CUTC: variants seen among roughly 807,000 people sequenced by gnomAD.
The protein encoded by CUTC is cutC copper transporter.
In CUTC, 27 loss-of-function variants were observed where a neutral mutation model predicts 36.2. The observed-to-expected ratio is 0.75, with a 90% CI of 0.55 to 1.03. The LOEUF is 1.03. Ranked by LOEUF, CUTC falls within the 50% of genes least tolerant of loss-of-function variation. The probability of loss-of-function intolerance (pLI) is 0.00; values close to 1 mark genes in which losing one functional copy is unlikely to be tolerated. For missense variants in CUTC, 315 were observed against 343.5 expected, an observed-to-expected ratio of 0.92 and a Z score of 0.66; for synonymous variants, 114 against 118.3, an observed-to-expected ratio of 0.96 and a Z score of 0.24.
chr10:99,743,458 C>A, intron 4 of CUTC, 96 bp downstream of exon 4: 3 of 1,117,634 alleles, frequency 2.7e-6, no homozygotes, highest in South Asian at 2.6e-5. Context: ...ACTTTGCGGT[C>A]ATAGCTACAG....
chr10:99,744,198 C>A, intron 5 of CUTC, 126 bp downstream of exon 5: 1 of 686,616 alleles, frequency 1.5e-6, no homozygotes, highest in Non-Finnish European at 2.4e-6. Context: ...TTTTTTAGAT[C>A]CTAGGACTAA....
chr10:99,747,825 T>C (rs772380044), intron 6 of CUTC, among the ~76,000 whole-genome samples: 6 of 152,198 alleles, frequency 3.9e-5, no homozygotes, highest in Non-Finnish European at 8.8e-5. Context: ...CCAGCCAGCA[T>C]TGCAGTTTTA....
intron 2 of CUTC, 75 bp downstream of exon 2, chr10:99,736,392 T>G (rs2037297645): frequency 1.8e-6 from 2 of 1,099,400 alleles, no homozygotes; most frequent in Non-Finnish European, 2.8e-6. Flanking sequence ...TGTGCTTATC[T>G]CAGAAGCCCT....
At chr10:99,738,306 G>A (rs1270374259) in intron 2 of CUTC, among the ~76,000 whole-genome samples, 11 of 151,748 alleles carry the variant, frequency 7.2e-5, no homozygotes, top group Admixed American at 7.2e-4. Flanking sequence ...ACACCACAAT[G>A]TCACTAACAC....
intron 5 of CUTC, among the ~76,000 whole-genome samples, chr10:99,744,817 C>T (rs962063948): frequency 3.9e-5 from 6 of 152,286 alleles, no homozygotes; most frequent in East Asian, 1.9e-4. Flanking sequence ...TGCAGTCGCA[C>T]GATCCGGCTC....
intron 5 of CUTC, 48 bp downstream of exon 5, chr10:99,744,120 T>G: frequency 1.3e-6 from 2 of 1,496,660 alleles, no homozygotes; most frequent in Middle Eastern, 1.7e-4. Context: ...GTTAGTTTTC[T>G]AATTTCAACA....
intron 4 of CUTC, among the ~76,000 whole-genome samples, chr10:99,743,606 T>C (rs1215837100): frequency 6.6e-6 from 1 of 152,160 alleles, no homozygotes; most frequent in East Asian, 1.9e-4. Context: ...AATAGAAATT[T>C]AAGGGAAATT....
chr10:99,743,885 A>T (rs575661856), intron 4 of CUTC, 152 bp from the exon 5 acceptor site: 1 of 584,218 alleles, frequency 1.7e-6, no homozygotes, highest in African/African-American at 1.9e-5. Context: ...AGACTTTTGA[A>T]TTTGTAAGGC....
At chr10:99,746,911 A>G (rs1285283723) in intron 5 of CUTC, among the ~76,000 whole-genome samples, 1 of 152,186 alleles carries the variant, frequency 6.6e-6, no homozygotes, top group Non-Finnish European at 1.5e-5. Context: ...AGCTGGGACT[A>G]TAGGTGCACA....
At position 99,755,781 on chromosome 10, in the gene CUTC, A is replaced by G; in HGVS notation, c.*42A>G. On this transcript the variant is annotated 3_prime_UTR_variant, in exon 9 of 9. Coordinates refer to ENST00000370476, the MANE Select transcript of CUTC (RefSeq NM_015960.3). ...GACATGGATATCACAGGATGAAGGT[A>G]GAACTATAATCTGCAATTCTCTATG... The G allele has an allele frequency of 7.8e-7, 1 of 1,279,616 alleles. No individual in the cohort carries two copies. The highest frequency in any genetic ancestry group is 1.1e-6 in the Non-Finnish European group (1 of 880,068). The allele number at this position is 1,279,616 out of a possible 1,614,324, so 79.3% of individuals were successfully genotyped here.
intron 2 of CUTC, among the ~76,000 whole-genome samples, chr10:99,736,743 TA>T (rs1220539395): frequency 2.0e-5 from 3 of 151,724 alleles, no homozygotes; most frequent in South Asian, 2.1e-4. Context: ...TCAGAAAAAT[TA>T]AAAAAAAATT....
In CUTC at chr10:99,744,015, TTA is replaced by T. The variant is rs754453338; in HGVS notation, c.404-18_404-17del. ...AGTGATGACATCTTCATTCATGTTGTTATATGACTTTCTTTTTATAGCTATTT... is the reference window on the plus strand; with the variant it reads ...AGTGATGACATCTTCATTCATGTTGTTATGACTTTCTTTTTATAGCTATTT... On this transcript the variant is annotated intron_variant, in intron 4 of 8. Coordinates refer to ENST00000370476, the MANE Select transcript of CUTC (RefSeq NM_015960.3). 2.5e-6 allele frequency: 4 copies of T among 1,605,558 alleles called. No homozygotes were observed. In the South Asian group the frequency reaches 4.4e-5, roughly 18 times the overall value.
intron 7 of CUTC, among the ~76,000 whole-genome samples, chr10:99,753,523 C>T (rs114296482): frequency 0.01 from 1,561 of 152,292 alleles, 21 homozygotes; most frequent in African/African-American, 0.034. Context: ...GATCCTCTTA[C>T]CTCAGCCTCT....
At chr10:99,743,999 A>T (rs751218802) in intron 4 of CUTC, 38 bp from the exon 5 acceptor site, 1 of 1,574,942 alleles carries the variant, frequency 6.3e-7, no homozygotes, top group Non-Finnish European at 8.7e-7. Flanking sequence ...CAGTGATGAC[A>T]TCTTCATTCA....
At chr10:99,752,693 C>T (rs929371730) in intron 7 of CUTC, among the ~76,000 whole-genome samples, 4 of 152,142 alleles carry the variant, frequency 2.6e-5, no homozygotes, top group Non-Finnish European at 5.9e-5. Flanking sequence ...CAAGAAACTA[C>T]GTTCTCAAGA....
At chr10:99,732,710 G>T in intron 1 of CUTC, 2 of 1,083,976 alleles carry the variant, frequency 1.8e-6, no homozygotes, top group Non-Finnish European at 2.4e-6. Flanking sequence ...GTCGCCACAC[G>T]AGGATGCCAG....
intron 6 of CUTC, among the ~76,000 whole-genome samples, chr10:99,749,057 G>A (rs779947744): frequency 5.3e-5 from 8 of 152,064 alleles, no homozygotes; most frequent in Admixed American, 3.3e-4. Context: ...AGATATAACC[G>A]CCATAGTAAT....
intron 1 of CUTC, among the ~76,000 whole-genome samples, chr10:99,734,424 G>A (rs2133659946): frequency 6.6e-6 from 1 of 152,018 alleles, no homozygotes. Context: ...CAGATGATAG[G>A]TTTTTGTTTT....
rs2037390329 is a variant in CUTC at position 99,747,855 on chromosome 10, C to T, written c.573+465C>T. Among the ~76,000 whole-genome samples, 2 of 152,140 alleles carry T rather than the reference C, an allele frequency of 1.3e-5. 1 individual carries two copies. The highest frequency in any genetic ancestry group is 4.1e-4 in the South Asian group (2 of 4,836). On this transcript the variant is annotated intron_variant, in intron 6 of 8. Transcript: ENST00000370476. ...GTTTTAAGCCACATCTTTTCATTGT[C>T]AGCCCATGTATATTCAGGGGATCCC...
Sources: gnomAD v4.1 joint callset for allele counts (sites outside exome capture counted in the v4.1 genomes callset) on GRCh38, gnomAD v4.1.1 for gene constraint, MANE v1.5 for transcripts, NCBI Gene and HGNC (gene_info 2026-07-23, HGNC 2026-07-21) for gene names.